The following ABCC8 variants were observed in gnomAD, a reference collection of about 807,000 sequenced individuals.
The protein encoded by ABCC8 is ATP-binding cassette sub-family C member 8.
In ABCC8, 137 loss-of-function variants were observed where a neutral mutation model predicts 188.0. That is an observed-to-expected ratio of 0.73 (90% CI 0.63 to 0.84). ABCC8 has a LOEUF of 0.84. ABCC8 is among the 40% of genes least tolerant of loss of function. ABCC8 has a pLI of 0.00. For missense variants in ABCC8, 1,750 were observed against 2,072.7 expected (o/e 0.84, Z 3.02); for synonymous variants, 797 against 846.5 (o/e 0.94, Z 1.01).
intron 2 of ABCC8, among the ~76,000 whole-genome samples, chr11:17,473,416 G>A (rs1005760648): frequency 7.9e-5 from 12 of 152,182 alleles, no homozygotes; most frequent in African/African-American, 2.7e-4. Flanking sequence ...AAGCCAGGAT[G>A]CAGGGACATT....
chr11:17,432,572 G>C (rs914332543), intron 10 of ABCC8, among the ~76,000 whole-genome samples: 9 of 152,182 alleles, frequency 5.9e-5, no homozygotes, highest in Non-Finnish European at 1.3e-4. Flanking sequence ...GTGAGGTCAG[G>C]AGCACGTGTT....
Position 17,413,490 on chromosome 11 carries a change from A to G in ABCC8, c.2391-12T>C. 1 of 1,613,532 alleles carries G rather than the reference A, an allele frequency of 6.2e-7. No individual in the cohort carries two copies. Among genetic ancestry groups the G allele is most frequent in the Non-Finnish European group, 8.5e-7 (1 of 1,180,020 alleles). ...TGACCATCTTGTACCTGGCGTGGGT[A>G]GAGGCAGGGGATGCAGCTGGTCAGC... On this transcript the variant is annotated splice_polypyrimidine_tract_variant and intron_variant, in intron 19 of 38. Coordinates refer to ENST00000389817, the MANE Select transcript of ABCC8 (RefSeq NM_000352.6).
At chr11:17,450,369 TTC>T (rs1380640607) in intron 7 of ABCC8, among the ~76,000 whole-genome samples, 4 of 62,434 alleles carry the variant, frequency 6.4e-5, no homozygotes, top group Non-Finnish European at 7.6e-5. Context: ...TTCCTTTCCT[TTC>T]CTTTCTTTCC....
At chr11:17,434,854 C>T (rs578218154) in intron 10 of ABCC8, among the ~76,000 whole-genome samples, 11 of 152,172 alleles carry the variant, frequency 7.2e-5, no homozygotes, top group African/African-American at 4.8e-5. Flanking sequence ...TGTATGGAGA[C>T]GCTAAAGAAT....
At chr11:17,430,660 GT>G in intron 12 of ABCC8, 153 bp downstream of exon 12, 1 of 902,586 alleles carries the variant, frequency 1.1e-6, no homozygotes, top group South Asian at 1.3e-5. Flanking sequence ...ACAGGCCAAT[GT>G]CCCTCTGACC....
chr11:17,407,476 G>A, intron 23 of ABCC8, 23 bp from the exon 24 acceptor site: 1 of 1,614,136 alleles, frequency 6.2e-7, no homozygotes, highest in Non-Finnish European at 8.5e-7. Flanking sequence ...TGTGGCCTGG[G>A]CAATGTCTTC....
chr11:17,396,259 GAC>G (rs1953922604), intron 33 of ABCC8: 2 of 467,136 alleles, frequency 4.3e-6, no homozygotes, highest in Non-Finnish European at 7.9e-6. Flanking sequence ...GTGGCAGGAG[GAC>G]ACAGGGGCAG....
intron 10 of ABCC8, among the ~76,000 whole-genome samples, chr11:17,436,747 G>A (rs1290161873): frequency 6.6e-6 from 1 of 152,148 alleles, no homozygotes; most frequent in African/African-American, 2.4e-5. Context: ...ATAGTGTAGA[G>A]ACATGGGTAT....
chr11:17,444,874 G>A (rs1956463832), intron 8 of ABCC8, among the ~76,000 whole-genome samples: 1 of 152,138 alleles, frequency 6.6e-6, no homozygotes, highest in Non-Finnish European at 1.5e-5. Context: ...TGCCCACTCT[G>A]AAGGACTCTG....
rs1169576105 is a variant in ABCC8, at chr11:17,461,212, C to A, written c.822+371G>T. 3 of 370,716 alleles carry A rather than the reference C, an allele frequency of 8.1e-6. No homozygotes were observed. In the East Asian group the frequency reaches 2.0e-4, roughly 25 times the overall value. 23.0% of individuals were successfully genotyped at this position (370,716 alleles called of 1,614,324 possible). On this transcript the variant is annotated intron_variant, in intron 5 of 38. Transcript: ENST00000389817. ...GTTACCATAAGGATCAGGCCACTAACACCCCTGCTCCAAATCAAGTGAACA... is the reference window on the plus strand; with the variant it reads ...GTTACCATAAGGATCAGGCCACTAAAACCCCTGCTCCAAATCAAGTGAACA...
chr11:17,399,766 T>C (rs1437662833), intron 29 of ABCC8, among the ~76,000 whole-genome samples: 3 of 152,218 alleles, frequency 2.0e-5, no homozygotes, highest in African/African-American at 7.2e-5. Context: ...TAAATATTTG[T>C]TGGATGAATG....
At chr11:17,413,618 C>T in intron 19 of ABCC8, 140 bp from the exon 20 acceptor site, 2 of 1,545,798 alleles carry the variant, frequency 1.3e-6, no homozygotes, top group East Asian at 4.6e-5. Flanking sequence ...TGGGTGCAAG[C>T]AAACACCGTG....
In ABCC8 at chr11:17,444,095, G is replaced by A. The variant is rs74731644; in HGVS notation, c.1333-783C>T. Among the ~76,000 whole-genome samples, 15 of 152,322 alleles carry A rather than the reference G, an allele frequency of 9.8e-5. No homozygotes were observed. In the East Asian group the frequency reaches 2.5e-3, roughly 25 times the overall value. The stretch of plus-strand genomic sequence containing the variant: ...GAGCCCTACACCAGATTGGCATTAA[G>A]CTTCCAGCACCGCCTCAAGGATAAA... On this transcript the variant is annotated intron_variant, in intron 8 of 38. Transcript: ENST00000389817.
At chr11:17,428,995 G>C (rs1955725819) in intron 12 of ABCC8, 1 of 421,894 alleles carries the variant, frequency 2.4e-6, no homozygotes. Context: ...GTTAAGGTTA[G>C]TTAGGACTAG....
At chr11:17,394,199 A>G (rs1365677534) in intron 37 of ABCC8, 67 bp downstream of exon 37, 77 of 1,581,544 alleles carry the variant, frequency 4.9e-5, no homozygotes, top group Middle Eastern at 2.1e-4. Flanking sequence ...CTTCGTGCAA[A>G]TTTCTCCCTA....
chr11:17,428,702 C>A (rs1430948935), intron 12 of ABCC8, 32 bp from the exon 13 acceptor site: 2 of 1,608,396 alleles, frequency 1.2e-6, no homozygotes, highest in East Asian at 2.2e-5. Flanking sequence ...ACCCCTCACC[C>A]CTGCCAGGGG....
At chr11:17,417,953 C>T (rs1469508238) in intron 16 of ABCC8, among the ~76,000 whole-genome samples, 2 of 151,596 alleles carry the variant, frequency 1.3e-5, no homozygotes, top group African/African-American at 2.4e-5. Flanking sequence ...GAGTCTCATT[C>T]CCTATGTTGC....
chr11:17,407,570 G>A, intron 23 of ABCC8, 117 bp from the exon 24 acceptor site: 1 of 1,522,660 alleles, frequency 6.6e-7, no homozygotes, highest in Non-Finnish European at 8.9e-7. Context: ...CTTTGTCCCT[G>A]CCTGAGGGAG....
chr11:17,427,126 C>G lies in ABCC8; in HGVS notation c.2145G>C (p.Val715=). The G allele has an allele frequency of 6.2e-7, 1 of 1,613,624 alleles. No homozygotes were observed. ...GAAGGAGCGAGGACTTGCCGCAGCC[C>G]ACCTGCCCCACGATCATAGTCAGCT... The part of the protein sequence containing the change: ...RGQLTMIVGQ[V]GCGKSSLLLA... The change falls in exon 16 of 39, where the codon GTG becomes GTC. Residue 715 remains valine, a synonymous_variant. Coordinates refer to ENST00000389817, the MANE Select transcript of ABCC8 (RefSeq NM_000352.6). The surrounding 1 kb of genome is among the most constrained non-coding windows in gnomAD (Gnocchi z 5.0).
Sources: gnomAD v4.1 joint callset for allele counts (sites outside exome capture counted in the v4.1 genomes callset) on GRCh38, gnomAD v4.1.1 for gene constraint, Gnocchi (gnomAD v3.1) non-coding constraint, MANE v1.5 for transcripts, NCBI Gene and HGNC (gene_info 2026-07-23, HGNC 2026-07-21) for gene names.